Variants in NT5E observed in about 807,000 individuals in gnomAD.
The protein encoded by NT5E is 5'-nucleotidase ecto.
Under a neutral mutation model 55.1 loss-of-function variants are expected in NT5E, and 53 were observed. The observed-to-expected ratio is 0.96, with a 90% CI of 0.77 to 1.21. NT5E has a LOEUF of 1.21. NT5E is among the 50% of genes most tolerant of loss of function. The pLI is 0.00. For synonymous variants in NT5E, 270 were observed against 278.4 expected (o/e 0.97, Z 0.30); for missense variants, 683 against 724.3 (o/e 0.94, Z 0.65).
chr6:85,450,119 C>T lies in NT5E; in HGVS notation c.-21C>T, dbSNP rs1355709133. On this transcript the variant is annotated 5_prime_UTR_variant, in exon 1 of 9. Coordinates refer to ENST00000257770, the MANE Select transcript of NT5E (RefSeq NM_002526.4). The surrounding 1 kb of genome is among the most constrained non-coding windows in gnomAD (Gnocchi z 4.0). ...CTCGCCCGGCTCGCCCGCTTTCGCA[C>T]CCAGTTCACGCGCCACAGCTATGTG... The T allele has an allele frequency of 1.3e-6, 2 of 1,546,034 alleles. No individual in the cohort carries two copies. The highest frequency in any genetic ancestry group is 1.2e-5 in the South Asian group (1 of 84,856).
chr6:85,451,838 A>G (rs1280915919), intron 1 of NT5E, among the ~76,000 whole-genome samples: 1 of 152,156 alleles, frequency 6.6e-6, no homozygotes, highest in Admixed American at 6.5e-5. Context: ...AAAAGATGAT[A>G]AGAGGGCACC....
chr6:85,470,458 T>C (rs144566178), intron 2 of NT5E, among the ~76,000 whole-genome samples: 7 of 152,192 alleles, frequency 4.6e-5, no homozygotes, highest in African/African-American at 1.7e-4. Context: ...TATATATTTA[T>C]ATATTTTTTG....
intron 1 of NT5E, among the ~76,000 whole-genome samples, chr6:85,461,981 GCATATGGTT>G (rs1459786121): frequency 6.6e-6 from 1 of 152,126 alleles, no homozygotes; most frequent in Non-Finnish European, 1.5e-5. Flanking sequence ...TTGTGAGGAT[GCATATGGTT>G]CCTGTTGGAA....
At chr6:85,463,932 A>G (rs1400238570) in intron 1 of NT5E, among the ~76,000 whole-genome samples, 1 of 152,236 alleles carries the variant, frequency 6.6e-6, no homozygotes, top group Non-Finnish European at 1.5e-5. Flanking sequence ...TTAGCTATGT[A>G]TAGAAGAAAG....
chr6:85,477,751 A>C (rs1769464539), intron 3 of NT5E, among the ~76,000 whole-genome samples: 1 of 152,246 alleles, frequency 6.6e-6, no homozygotes, highest in African/African-American at 2.4e-5. Context: ...CTCAACAAAG[A>C]ACCATTTCCT....
intron 1 of NT5E, among the ~76,000 whole-genome samples, chr6:85,466,169 TC>T (rs911235669): frequency 6.6e-6 from 1 of 151,272 alleles, no homozygotes; most frequent in Admixed American, 6.6e-5. Flanking sequence ...TTCCCTCCAC[TC>T]CCCCCCAGCC....
Position 85,485,284 on chromosome 6 carries a change from C to T in NT5E, c.801C>T (p.Val267=). Residue 267 remains valine, a synonymous_variant, in exon 4 of 9, where the codon GTC becomes GTT. Transcript: ENST00000257770. The part of the protein sequence containing the change: ...EVPAGKYPFI[V]TSDDGRKVPV... Reference sequence around the variant, plus strand: ...CTGCTGGGAAGTACCCATTCATAGTCACTTCTGATGATGGGCGGAAGGTTC... The same window carrying T: ...CTGCTGGGAAGTACCCATTCATAGTTACTTCTGATGATGGGCGGAAGGTTC... The T allele has an allele frequency of 6.2e-7, 1 of 1,614,184 alleles. No individual in the cohort carries two copies. The highest frequency in any genetic ancestry group is 8.5e-7 in the Non-Finnish European group (1 of 1,180,028).
At chr6:85,491,240 T>G (rs1769776035) in intron 7 of NT5E, 1 of 366,426 alleles carries the variant, frequency 2.7e-6, no homozygotes. Context: ...CTTCCTAAAT[T>G]GCCAAGGGCT....
At chr6:85,491,955 A>C in intron 7 of NT5E, 22 bp from the exon 8 acceptor site, 2 of 1,610,202 alleles carry the variant, frequency 1.2e-6, no homozygotes, top group Non-Finnish European at 1.7e-6. Context: ...ATCTGGTGAA[A>C]ACAGATTCAT....
chr6:85,475,612 A>C (rs1769417314), intron 3 of NT5E, among the ~76,000 whole-genome samples: 1 of 152,232 alleles, frequency 6.6e-6, no homozygotes, highest in African/African-American at 2.4e-5. Context: ...TTTAGAGAAA[A>C]AAGTAGTAAA....
At chr6:85,470,865 G>A (rs1349961809) in intron 2 of NT5E, among the ~76,000 whole-genome samples, 1 of 152,218 alleles carries the variant, frequency 6.6e-6, no homozygotes, top group Non-Finnish European at 1.5e-5. Context: ...CGAACGTCTT[G>A]GAGTTGCTAA....
chr6:85,481,995 T>C (rs898872634), intron 3 of NT5E, among the ~76,000 whole-genome samples: 3 of 152,152 alleles, frequency 2.0e-5, no homozygotes, highest in African/African-American at 4.8e-5. Context: ...AGTAGACAGA[T>C]AAAAGGAGCA....
At chr6:85,489,664 G>A in intron 6 of NT5E, 65 bp downstream of exon 6, 7 of 1,224,060 alleles carry the variant, frequency 5.7e-6, no homozygotes, top group Non-Finnish European at 8.3e-6. Flanking sequence ...TTCTGTTATG[G>A]TTCTTGCCCT....
At position 85,450,532 on chromosome 6, in the gene NT5E, G is replaced by A; in HGVS notation, c.339+54G>A. 1 of 1,508,520 alleles carries A rather than the reference G, an allele frequency of 6.6e-7. No individual in the cohort carries two copies. Among genetic ancestry groups the A allele is most frequent in the African/African-American group, 1.4e-5 (1 of 72,718 alleles). The allele number at this position is 1,508,520 out of a possible 1,614,324, so 93.4% of individuals were successfully genotyped here. On this transcript the variant is annotated intron_variant, in intron 1 of 8. Coordinates refer to ENST00000257770, the MANE Select transcript of NT5E (RefSeq NM_002526.4). The surrounding 1 kb of genome is among the most constrained non-coding windows in gnomAD (Gnocchi z 4.0). ...TAGTCCCGGACTGAGAGAGGAGCCG[G>A]GCTGGAAAAGCAGCGGATGGCAGAG...
rs117530119 is a variant in NT5E, at chr6:85,482,740, G to T, written c.752-2495G>T. Among the ~76,000 whole-genome samples the T allele has an allele frequency of 4.9e-4, 75 of 152,368 alleles. 1 individual carries two copies. In the East Asian group the frequency reaches 0.014, roughly 29 times the overall value. ...ACAAGTCAGGTTTCTAAAGACAGATGTGTAGCTCTTTGTGGAAAAAATATT... is the reference window on the plus strand; with the variant it reads ...ACAAGTCAGGTTTCTAAAGACAGATTTGTAGCTCTTTGTGGAAAAAATATT... On this transcript the variant is annotated intron_variant, in intron 3 of 8. Transcript: ENST00000257770.
intron 1 of NT5E, among the ~76,000 whole-genome samples, chr6:85,463,422 A>T (rs1456683663): frequency 6.6e-6 from 1 of 152,050 alleles, no homozygotes; most frequent in African/African-American, 2.4e-5. Flanking sequence ...TTATACAAAT[A>T]AAAAAAAGAT....
intron 3 of NT5E, among the ~76,000 whole-genome samples, chr6:85,475,977 A>G (rs747460517): frequency 6.6e-6 from 1 of 152,188 alleles, no homozygotes; most frequent in Non-Finnish European, 1.5e-5. Flanking sequence ...ACTGATATGA[A>G]CTTAATTATT....
At chr6:85,458,577 T>G (rs1769032534) in intron 1 of NT5E, among the ~76,000 whole-genome samples, 1 of 152,238 alleles carries the variant, frequency 6.6e-6, no homozygotes, top group Non-Finnish European at 1.5e-5. Flanking sequence ...CAAATACATC[T>G]GAATGCTCTG....
At chr6:85,491,036 T>A (rs1769770805) in intron 7 of NT5E, 2 of 531,276 alleles carry the variant, frequency 3.8e-6, no homozygotes, top group Non-Finnish European at 7.7e-6. Context: ...CATGCCAAGA[T>A]TTAAAGGAAT....
Sources: allele counts gnomAD v4.1 joint callset (sites outside exome capture counted in the v4.1 genomes callset), GRCh38; gene constraint gnomAD v4.1.1; non-coding constraint Gnocchi (gnomAD v3.1); transcripts MANE v1.5; gene names NCBI Gene and HGNC (gene_info 2026-07-23, HGNC 2026-07-21).